Variants in NBPF11 observed in about 807,000 individuals in gnomAD.
NBPF11 encodes NBPF member 11.
Under a neutral mutation model 93.9 loss-of-function variants are expected in NBPF11, and 72 were observed. That is an observed-to-expected ratio of 0.77 (90% CI 0.63 to 0.93). The LOEUF (loss-of-function observed/expected upper bound fraction) is 0.93. NBPF11 is among the 40% of genes least tolerant of loss of function. The pLI is 0.00. For synonymous variants in NBPF11, 224 were observed against 304.9 expected (o/e 0.73, Z 2.76); for missense variants, 705 against 802.2 (o/e 0.88, Z 1.46).
intron 3 of NBPF11, among the ~76,000 whole-genome samples, chr1:148,136,917 A>G (rs1213986898): frequency 1.3e-5 from 2 of 151,948 alleles, no homozygotes; most frequent in Non-Finnish European, 2.9e-5. Context: ...TGTGGTCTAC[A>G]TGACATTTTT....
chr1:148,126,886 CTT>C lies in NBPF11; in HGVS notation c.116_117del (p.Lys39ArgfsTer22), dbSNP rs1669251652. 2.7e-6 allele frequency: 4 copies of C among 1,457,906 alleles called. No homozygotes were observed. Among genetic ancestry groups the C allele is most frequent in the South Asian group, 1.1e-5 (1 of 87,130 alleles). The allele number at this position is 1,457,906 out of a possible 1,614,324, so 90.3% of individuals were successfully genotyped here. A position where few individuals can be genotyped will look rare whatever the true frequency, so the allele number is the denominator to read the frequency against. Reference sequence around the variant, plus strand: ...GCCAGTTGAGTTAGAAAACATCTCTCTTTGAGGTTTCTGAACTGCTGTTTGTT... The same window carrying C: ...GCCAGTTGAGTTAGAAAACATCTCTCTGAGGTTTCTGAACTGCTGTTTGTT... ...AENKQQFRNL[K>X]ERCFLTQLAG... On this transcript the variant is annotated frameshift_variant, in exon 5 of 24. Transcript: ENST00000682118. LOFTEE classifies it high-confidence loss of function.
Position 148,110,324 on chromosome 1 carries a change from G to T in NBPF11, c.1801+54C>A, listed in dbSNP as rs1469546126. The T allele has an allele frequency of 1.9e-5, 30 of 1,562,046 alleles. 2 individuals carry two copies. The highest frequency in any genetic ancestry group is 2.5e-5 in the Non-Finnish European group (29 of 1,138,198). On this transcript the variant is annotated intron_variant, in intron 16 of 23. Coordinates refer to ENST00000682118, the MANE Select transcript of NBPF11 (RefSeq NM_001385469.3). ...GGGGCACAAGGCCCAAAGATTATGG[G>T]GTCTACCTGGGCCATGAACTGGAGC...
Position 148,115,950 on chromosome 1 carries a change from C to T in NBPF11, c.1428G>A (p.Glu476=). 1 of 1,587,624 alleles carries T rather than the reference C, an allele frequency of 6.3e-7. No homozygotes were observed. The highest frequency in any genetic ancestry group is 8.6e-7 in the Non-Finnish European group (1 of 1,164,298). ...TATTTGAACAAGTGATGGCACACTC[C>T]TCCAGTGAGTCCTCAGGGACTTCCT... ...EEKEVPEDSL[E]ECAITCSNSH... is the part of the protein sequence containing the mutation. The change falls in exon 14 of 24, where the codon GAG becomes GAA. Residue 476 remains glutamate, a synonymous_variant. Coordinates refer to ENST00000682118, the MANE Select transcript of NBPF11 (RefSeq NM_001385469.3).
chr1:148,150,465 T>C (rs2149319321), intron 1 of NBPF11, among the ~76,000 whole-genome samples: 1 of 151,492 alleles, frequency 6.6e-6, no homozygotes, highest in South Asian at 2.1e-4. Flanking sequence ...CGAAGATTTC[T>C]TTGACACAAA....
At chr1:148,118,127 C>G (rs1279034918) in intron 11 of NBPF11, among the ~76,000 whole-genome samples, 1 of 147,520 alleles carries the variant, frequency 6.8e-6, no homozygotes, top group Non-Finnish European at 1.5e-5. Flanking sequence ...CATAGTGCAT[C>G]TTGCGGCCAT....
intron 2 of NBPF11, among the ~76,000 whole-genome samples, chr1:148,142,137 G>A (rs1472987666): frequency 6.6e-6 from 1 of 151,094 alleles, no homozygotes; most frequent in Non-Finnish European, 1.5e-5. Flanking sequence ...GAGAAAGAGA[G>A]TGGGAGGGAA....
At chr1:148,121,347 A>ACT (rs1667787199) in intron 9 of NBPF11, among the ~76,000 whole-genome samples, 1 of 134,336 alleles carries the variant, frequency 7.4e-6, no homozygotes, top group Non-Finnish European at 1.6e-5. Context: ...CTGGTCAGAG[A>ACT]CTTTTTTTTT....
intron 1 of NBPF11, among the ~76,000 whole-genome samples, chr1:148,144,786 A>G (rs1487582510): frequency 1.9e-4 from 29 of 151,900 alleles, no homozygotes; most frequent in African/African-American, 6.6e-4. Flanking sequence ...TAGTCTGGGC[A>G]CCACAGGAAG....
At chr1:148,149,802 AG>A (rs1371598302) in intron 1 of NBPF11, among the ~76,000 whole-genome samples, 3 of 151,672 alleles carry the variant, frequency 2.0e-5, no homozygotes, top group Non-Finnish European at 4.4e-5. Context: ...AAAAAAAAAA[AG>A]ATTTAACAGG....
In NBPF11 at chr1:148,108,533, C is replaced by CA; in HGVS notation, c.1974dup (p.Ala659CysfsTer15). The CA allele has an allele frequency of 6.2e-7, 1 of 1,602,082 alleles. No individual in the cohort carries two copies. The highest frequency in any genetic ancestry group is 2.2e-5 in the East Asian group (1 of 44,790). ...CGCTGTTGCTCCAATACGTAAAAGG[C>CA]ACTTCTGTAGGGCTGGCATGAGTCA... On this transcript the variant is annotated frameshift_variant, in exon 18 of 24. Coordinates refer to ENST00000682118, the MANE Select transcript of NBPF11 (RefSeq NM_001385469.3). LOFTEE classifies it high-confidence loss of function.
chr1:148,129,146 G>GGC (rs1669792751), intron 4 of NBPF11, among the ~76,000 whole-genome samples: 1 of 140,232 alleles, frequency 7.1e-6, no homozygotes, highest in Non-Finnish European at 1.5e-5. Flanking sequence ...ATATACACAT[G>GGC]TATATATATT....
rs1257829027 is a variant in NBPF11, at chr1:148,116,882, G to C, written c.1307-347C>G. 9.9e-5 allele frequency among the ~76,000 whole-genome samples: 15 copies of C among 152,272 alleles called. 1 individual carries two copies. In the South Asian group the frequency reaches 3.1e-3, roughly 32 times the overall value. ...CAGGCTTGGTGTCCTGTCACAGTTT[G>C]CATTTCAAACCTAATTCTTTCTCTT... is the stretch of plus-strand genomic sequence containing the variant. On this transcript the variant is annotated intron_variant, in intron 12 of 23. Transcript: ENST00000682118.
At position 148,137,970 on chromosome 1, in the gene NBPF11, G is replaced by A. The variant is rs1293308919; in HGVS notation, c.-276-161C>T. Among the ~76,000 whole-genome samples the A allele has an allele frequency of 5.3e-5, 8 of 149,838 alleles. 1 individual carries two copies. Among genetic ancestry groups the A allele is most frequent in the African/African-American group, 2.0e-4 (8 of 40,758 alleles). On this transcript the variant is annotated intron_variant, in intron 2 of 23. Transcript: ENST00000682118. ...AGGGGACTGGCGTTCAGCATACGGA[G>A]GACCCATGCCTGCACTGGCCTCTGA...
At position 148,115,206 on chromosome 1, in the gene NBPF11, T is replaced by C. The variant is rs1341560197; in HGVS notation, c.1585+587A>G. On this transcript the variant is annotated intron_variant, in intron 14 of 23. Coordinates refer to ENST00000682118, the MANE Select transcript of NBPF11 (RefSeq NM_001385469.3). ...AAAAAAAAAAAAAAAAAAAAAAATC[T>C]ACGACGCTACAAAGAAACATTGGAT... is the stretch of plus-strand genomic sequence containing the variant. Among the ~76,000 whole-genome samples the C allele has an allele frequency of 3.9e-5, 4 of 102,608 alleles. No homozygotes were observed. In the East Asian group the frequency reaches 9.9e-4, roughly 25 times the overall value. 67.3% of individuals were successfully genotyped at this position (102,608 alleles called of 152,430 possible).
At chr1:148,114,921 T>G (rs1213449153) in intron 14 of NBPF11, among the ~76,000 whole-genome samples, 4 of 151,030 alleles carry the variant, frequency 2.6e-5, no homozygotes, top group African/African-American at 9.8e-5. Context: ...CATCTGTGAT[T>G]TGGGAGGCCA....
chr1:148,124,220 G>T (rs1239961402), intron 6 of NBPF11, among the ~76,000 whole-genome samples, 153 bp from the exon 7 acceptor site: 1 of 151,844 alleles, frequency 6.6e-6, no homozygotes, highest in South Asian at 2.1e-4. Flanking sequence ...CCAAGAGAAA[G>T]AACAGAAAAT....
chr1:148,116,861 C>A (rs1666684033), intron 12 of NBPF11, among the ~76,000 whole-genome samples: 1 of 152,144 alleles, frequency 6.6e-6, no homozygotes. Flanking sequence ...CAGGCACAGG[C>A]TTGGTGTCCT....
intron 4 of NBPF11, chr1:148,129,597 TCAA>T (rs1553274005): frequency 6.0e-6 from 1 of 166,048 alleles, no homozygotes; most frequent in East Asian, 1.7e-4. Flanking sequence ...AAAACCTTCC[TCAA>T]CATCACGCCA....
chr1:148,141,400 G>A (rs1157765326), intron 2 of NBPF11, among the ~76,000 whole-genome samples: 1 of 152,008 alleles, frequency 6.6e-6, no homozygotes, highest in Non-Finnish European at 1.5e-5. Flanking sequence ...GAGGACAGGG[G>A]AGCCTAGGAG....
Sources: gnomAD v4.1 joint callset for allele counts (sites outside exome capture counted in the v4.1 genomes callset) on GRCh38, gnomAD v4.1.1 for gene constraint, MANE v1.5 for transcripts, NCBI Gene and HGNC (gene_info 2026-07-23, HGNC 2026-07-21) for gene names.